Variants in OXNAD1 observed in about 807,000 individuals in gnomAD.
OXNAD1 encodes the protein oxidoreductase NAD binding domain containing 1, also known as oxidoreductase NAD-binding domain-containing protein 1.
In OXNAD1, 34 loss-of-function variants were observed where a neutral mutation model predicts 32.9. The observed-to-expected ratio is 1.03, with a 90% CI of 0.79 to 1.38. The LOEUF (loss-of-function observed/expected upper bound fraction) is 1.38. OXNAD1 is among the 40% of genes most tolerant of loss of function. The pLI is 0.00. For synonymous variants in OXNAD1, 134 were observed against 135.2 expected (o/e 0.99, Z 0.06); for missense variants, 407 against 379.4 (o/e 1.07, Z -0.60).
At chr3:16,281,852 A>G (rs2125024250) in intron 4 of OXNAD1, among the ~76,000 whole-genome samples, 1 of 148,408 alleles carries the variant, frequency 6.7e-6, no homozygotes, top group East Asian at 2.0e-4. Flanking sequence ...TTAACAGATT[A>G]TTATATCGAA....
At position 16,322,261 on chromosome 3, in the gene OXNAD1, C is replaced by T. The variant is rs1405629227; in HGVS notation, c.*31-14851C>T. ...ACACCTTCAGAGCCTGGAGAAAGAC[C>T]TTCCTCCACACTCCAGCCCATCTGG... On this transcript the variant is annotated intron_variant, in intron 9 of 9. Transcript: ENST00000435829. The surrounding 1 kb of genome is among the most constrained non-coding windows in gnomAD (Gnocchi z 6.2). Among the ~76,000 whole-genome samples, 5 of 152,220 alleles carry T rather than the reference C, an allele frequency of 3.3e-5. No individual in the cohort carries two copies. The East Asian group carries it at 9.6e-4, about 29-fold the overall frequency.
Position 16,329,662 on chromosome 3 carries a change from C to G in OXNAD1, c.*31-7450C>G, listed in dbSNP as rs546651964. On this transcript the variant is annotated intron_variant, in intron 9 of 9. Transcript: ENST00000435829. This position sits in a 1 kb window ranked among gnomAD's most constrained non-coding sequence, Gnocchi z 4.5. The stretch of plus-strand genomic sequence containing the variant: ...TCCTGAGAATCCCTGCCCCCATCCC[C>G]GTATTCCCAGTTTAAAGAGAGGAGG... 6.6e-6 allele frequency among the ~76,000 whole-genome samples: 1 copy of G among 152,290 alleles called. No individual in the cohort carries two copies. Among genetic ancestry groups the G allele is most frequent in the Admixed American group, 6.5e-5 (1 of 15,310 alleles).
At position 16,346,977 on chromosome 3, in the gene OXNAD1, C is replaced by T. The variant is rs555880713; in HGVS notation, c.*31-2199C>T. Among the ~76,000 whole-genome samples, 7 of 152,352 alleles carry T rather than the reference C, an allele frequency of 4.6e-5. No homozygotes were observed. The highest frequency in any genetic ancestry group is 1.9e-4 in the East Asian group (1 of 5,182). On this transcript the variant is annotated intron_variant, in intron 9 of 9. Coordinates refer to the OXNAD1 transcript ENST00000606098. The surrounding 1 kb of genome is among the most constrained non-coding windows in gnomAD (Gnocchi z 4.4). ...CAATGAGATGAGATGAACACCCCTA[C>T]GGCTTAAGCCACTTTTAGTTGGATT... is the stretch of plus-strand genomic sequence containing the variant.
At chr3:16,296,421 C>T (rs2066796434) in intron 6 of OXNAD1, among the ~76,000 whole-genome samples, 1 of 152,234 alleles carries the variant, frequency 6.6e-6, no homozygotes, top group East Asian at 1.9e-4. Flanking sequence ...ACAGATTTAA[C>T]ATAACAATAA....
intron 9 of OXNAD1, chr3:16,323,587 C>G (rs2069331452): frequency 3.2e-6 from 2 of 620,060 alleles, no homozygotes; most frequent in South Asian, 4.2e-5. Flanking sequence ...AGAAGAGACG[C>G]CTGCTCTACT....
At chr3:16,279,185 G>A (rs951377398) in intron 4 of OXNAD1, among the ~76,000 whole-genome samples, 5 of 152,368 alleles carry the variant, frequency 3.3e-5, no homozygotes, top group Admixed American at 2.0e-4. Flanking sequence ...AGCAGAGCAG[G>A]TGGAGAGAAA....
intron 9 of OXNAD1, among the ~76,000 whole-genome samples, chr3:16,323,631 A>G (rs1184415368): frequency 6.6e-6 from 1 of 152,170 alleles, no homozygotes; most frequent in Non-Finnish European, 1.5e-5. Context: ...CTTGCTTCCG[A>G]GGGGCTATCT....
At chr3:16,272,647 CTTTTT>C (rs35628992) in intron 4 of OXNAD1, among the ~76,000 whole-genome samples, 1 of 112,758 alleles carries the variant, frequency 8.9e-6, no homozygotes, top group Non-Finnish European at 1.9e-5. Flanking sequence ...GCTTAAAGTT[CTTTTT>C]TTTTTTTTTT....
In OXNAD1 at chr3:16,288,688, T is replaced by G. The variant is rs185116326; in HGVS notation, c.290+2240T>G. On this transcript the variant is annotated intron_variant, in intron 5 of 8. Coordinates refer to ENST00000285083, the MANE Select transcript of OXNAD1 (RefSeq NM_138381.5). This position sits in a 1 kb window ranked among gnomAD's most constrained non-coding sequence, Gnocchi z 5.1. ...GAGAAAGGCCAAAGGCAGAACCACC[T>G]CAAAACATCTCTCACATGAGCAGGG... 3.9e-5 allele frequency among the ~76,000 whole-genome samples: 6 copies of G among 152,288 alleles called. No individual in the cohort carries two copies. The East Asian group carries it at 9.6e-4, about 24-fold the overall frequency.
downstream of OXNAD1, among the ~76,000 whole-genome samples, chr3:16,342,269 A>C (rs190856717): frequency 6.6e-6 from 1 of 152,132 alleles, no homozygotes; most frequent in East Asian, 1.9e-4. This position sits in a 1 kb window ranked among gnomAD's most constrained non-coding sequence, Gnocchi z 4.0. Flanking sequence ...TCACCTGGAT[A>C]TTTCATATAA....
At chr3:16,341,928 G>A (rs566037788), downstream of OXNAD1, among the ~76,000 whole-genome samples, 4 of 152,298 alleles carry the variant, frequency 2.6e-5, no homozygotes, top group East Asian at 1.9e-4. The surrounding 1 kb of genome is among the most constrained non-coding windows in gnomAD (Gnocchi z 4.7). Flanking sequence ...AAGATGCTAT[G>A]CAGCTACCTT....
At chr3:16,349,068 C>T (rs922361865) in intron 9 of OXNAD1, 4 of 152,188 alleles carry the variant, frequency 2.6e-5, no homozygotes, top group Non-Finnish European at 5.9e-5. Context: ...CTTTTGGGGT[C>T]ACTATTTCTA....
rs954729352 is a variant in OXNAD1, at chr3:16,284,629, A to G, written c.184-1713A>G. ...GTTGCACAGCACATGACTGTACATT[A>G]TAACCAACATTAATGAGTTCTGTGG... On this transcript the variant is annotated intron_variant, in intron 4 of 8. Coordinates refer to ENST00000285083, the MANE Select transcript of OXNAD1 (RefSeq NM_138381.5). The surrounding 1 kb of genome is among the most constrained non-coding windows in gnomAD (Gnocchi z 4.1). Among the ~76,000 whole-genome samples, 17 of 152,256 alleles carry G rather than the reference A, an allele frequency of 1.1e-4. No homozygotes were observed. The highest frequency in any genetic ancestry group is 3.2e-3 in the Middle Eastern group (1 of 316).
At chr3:16,319,452 TACCTCCAGGGCTGCGGTGCAC>T (rs1157099115) in intron 9 of OXNAD1, among the ~76,000 whole-genome samples, 1 of 152,262 alleles carries the variant, frequency 6.6e-6, no homozygotes, top group South Asian at 2.1e-4. Flanking sequence ...TGGTTGTCTC[TACCTCCAGGGCTGCGGTGCAC>T]ACCTCCAGGG....
At chr3:16,315,624 C>T (rs866347717) in intron 9 of OXNAD1, 1 of 152,236 alleles carries the variant, frequency 6.6e-6, no homozygotes, top group African/African-American at 2.4e-5. Flanking sequence ...CCCTTACTTA[C>T]CTGGTGGCAT....
In OXNAD1 at chr3:16,288,505, T is replaced by C. The variant is rs536138025; in HGVS notation, c.290+2057T>C. Among the ~76,000 whole-genome samples the C allele has an allele frequency of 6.6e-6, 1 of 152,310 alleles. No homozygotes were observed. The highest frequency in any genetic ancestry group is 1.9e-4 in the East Asian group (1 of 5,184). ...ATGTTGTCTGTGACTAGCTGGAGCT[T>C]TGGCCACAGATCCCCATGTAGACAC... On this transcript the variant is annotated intron_variant, in intron 5 of 8. Coordinates refer to ENST00000285083, the MANE Select transcript of OXNAD1 (RefSeq NM_138381.5). The surrounding 1 kb of genome is among the most constrained non-coding windows in gnomAD (Gnocchi z 5.1).
Position 16,277,515 on chromosome 3 carries a change from CAT to C in OXNAD1, c.183+5794_183+5795del, listed in dbSNP as rs779432777. Among the ~76,000 whole-genome samples the C allele has an allele frequency of 2.0e-5, 3 of 152,166 alleles. No homozygotes were observed. Among genetic ancestry groups the C allele is most frequent in the African/African-American group, 7.2e-5 (3 of 41,418 alleles). On this transcript the variant is annotated intron_variant, in intron 4 of 8. Coordinates refer to ENST00000285083, the MANE Select transcript of OXNAD1 (RefSeq NM_138381.5). The surrounding 1 kb of genome is among the most constrained non-coding windows in gnomAD (Gnocchi z 4.3). ...ATTTGTATAGTGAGTATACTTTACA[CAT>C]GTTATTTGCTCTTCAGTTCAAGTCC...
intron 1 of OXNAD1, among the ~76,000 whole-genome samples, chr3:16,267,898 A>G (rs2064644884): frequency 1.3e-5 from 2 of 152,226 alleles, no homozygotes; most frequent in Admixed American, 1.3e-4. Flanking sequence ...GTTAAATTTA[A>G]TCTGTTGCTT....
At chr3:16,349,123 C>G (rs2071923160) in intron 9 of OXNAD1, 1 of 152,214 alleles carries the variant, frequency 6.6e-6, no homozygotes, top group Admixed American at 6.5e-5. Context: ...AATGACTTAC[C>G]TGGGCAACAC....
Sources: allele counts gnomAD v4.1 joint callset (sites outside exome capture counted in the v4.1 genomes callset), GRCh38; gene constraint gnomAD v4.1.1; non-coding constraint Gnocchi (gnomAD v3.1); transcripts MANE v1.5; gene names NCBI Gene and HGNC (gene_info 2026-07-23, HGNC 2026-07-21).